The following OTUD7A variants were observed in gnomAD, a reference collection of about 807,000 sequenced individuals.
OTUD7A encodes the protein OTU deubiquitinase 7A, also known as OTU domain-containing protein 7A.
In OTUD7A, 12 loss-of-function variants were observed where a neutral mutation model predicts 65.7. That is an observed-to-expected ratio of 0.18 (90% CI 0.12 to 0.30). The LOEUF (loss-of-function observed/expected upper bound fraction) is 0.30. OTUD7A is among the 10% of genes least tolerant of loss of function. OTUD7A has a pLI of 1.00. For missense variants in OTUD7A, 1,148 were observed against 1,304.8 expected (o/e 0.88, Z 1.85); for synonymous variants, 641 against 586.3 (o/e 1.09, Z -1.35).
chr15:31,684,793 T>C lies in OTUD7A; in HGVS notation c.-99-27716A>G, dbSNP rs867002199. ...ATCTGTCACTTCTGCTGTATTTTGT[T>C]TATTAACAGCAAGTCACCATGTCCA... On this transcript the variant is annotated intron_variant, in intron 1 of 12. Coordinates refer to ENST00000307050, the MANE Select transcript of OTUD7A (RefSeq NM_001382637.1). 3.4e-5 allele frequency among the ~76,000 whole-genome samples: 5 copies of C among 148,556 alleles called. No homozygotes were observed. The South Asian group carries it at 1.2e-3, about 34-fold the overall frequency.
At chr15:31,842,052 T>C (rs1595807754) in intron 1 of OTUD7A, among the ~76,000 whole-genome samples, 2 of 152,356 alleles carry the variant, frequency 1.3e-5, no homozygotes, top group South Asian at 4.1e-4. Context: ...ATATTTGCAC[T>C]GCACTGAGAA....
At chr15:31,629,764 T>G (rs1891083546) in intron 3 of OTUD7A, among the ~76,000 whole-genome samples, 1 of 152,240 alleles carries the variant, frequency 6.6e-6, no homozygotes, top group African/African-American at 2.4e-5. Context: ...TTGCTAAAAT[T>G]TCAGAGCTCG....
chr15:31,480,400 C>T lies in OTUD7A; in HGVS notation c.*2894G>A, dbSNP rs2041099369. The T allele has an allele frequency of 6.6e-6, 1 of 152,214 alleles. No individual in the cohort carries two copies. The highest frequency in any genetic ancestry group is 2.4e-5 in the African/African-American group (1 of 41,444). 9.4% of individuals were successfully genotyped at this position (152,214 alleles called of 1,614,324 possible). ...GGAAACCTGCAGTCCCTTGGAGACA[C>T]CTGTCCTTCCTAGAAAGGGAAGTGT... is the stretch of plus-strand genomic sequence containing the variant. On this transcript the variant is annotated 3_prime_UTR_variant, in exon 13 of 13. Coordinates refer to ENST00000307050, the MANE Select transcript of OTUD7A (RefSeq NM_001382637.1).
chr15:31,567,436 T>G (rs1888910524), intron 4 of OTUD7A, among the ~76,000 whole-genome samples: 1 of 152,012 alleles, frequency 6.6e-6, no homozygotes, highest in South Asian at 2.1e-4. Context: ...AAGATAGGAG[T>G]TGGAACTTAT....
At chr15:31,553,834 C>A (rs908953651) in intron 5 of OTUD7A, among the ~76,000 whole-genome samples, 51 of 152,242 alleles carry the variant, frequency 3.3e-4, no homozygotes, top group African/African-American at 1.1e-3. Context: ...CCTCTCCCTG[C>A]TCTTCCAGCT....
intron 1 of OTUD7A, among the ~76,000 whole-genome samples, chr15:31,830,537 T>A (rs928011955): frequency 6.6e-6 from 1 of 152,198 alleles, no homozygotes; most frequent in African/African-American, 2.4e-5. Context: ...TGCTGCAAAA[T>A]AAAATGGCCA....
At chr15:31,653,849 A>C (rs1356337816) in intron 3 of OTUD7A, among the ~76,000 whole-genome samples, 1 of 151,876 alleles carries the variant, frequency 6.6e-6, no homozygotes, top group African/African-American at 2.4e-5. Flanking sequence ...GTTAGTACTA[A>C]TTACAATAAT....
At chr15:31,523,570 T>G (rs2041967457) in intron 8 of OTUD7A, among the ~76,000 whole-genome samples, 1 of 152,188 alleles carries the variant, frequency 6.6e-6, no homozygotes, top group Admixed American at 6.5e-5. Flanking sequence ...TGGGGCCTCC[T>G]CCCTGAATCC....
At chr15:31,686,778 C>T (rs1444451936) in intron 1 of OTUD7A, among the ~76,000 whole-genome samples, 1 of 152,160 alleles carries the variant, frequency 6.6e-6, no homozygotes, top group East Asian at 1.9e-4. Context: ...CAAGCTCAGC[C>T]CGACAAGAAG....
At position 31,526,438 on chromosome 15, in the gene OTUD7A, C is replaced by T. The variant is rs1282770596; in HGVS notation, c.804G>A (p.Glu268=). Residue 268 remains glutamate, a synonymous_variant, in exon 8 of 13, where the codon GAG becomes GAA. Coordinates refer to ENST00000307050, the MANE Select transcript of OTUD7A (RefSeq NM_001382637.1). ...GCTCCGTCCACTCCCGCTCCCACTC[C>T]TCCTCTGTGTACACCAGCCCTGACT... ...NKESGLVYTE[E]EWEREWTELL... 3 of 1,601,268 alleles carry T rather than the reference C, an allele frequency of 1.9e-6. No homozygotes were observed. In the Admixed American group the frequency reaches 5.0e-5, roughly 27 times the overall value.
In OTUD7A at chr15:31,484,549, C is replaced by T; in HGVS notation, c.1547G>A (p.Arg516His). The change falls in exon 13 of 13, where the codon CGC (arginine) becomes CAC (histidine). Residue 516 changes from arginine (R) to histidine (H), a missense_variant. Transcript: ENST00000307050. This position sits in a 1 kb window ranked among gnomAD's most constrained non-coding sequence, Gnocchi z 4.5. ...CAGCTTGTTGGCCACGGAGTCGGCG[C>T]GCGTCTTGTCCTTCTCCTTGCGCTG... The part of the protein sequence containing the change: ...EKQRKEKDKT[R>H]ADSVANKLGS... 5 of 1,611,446 alleles carry T rather than the reference C, an allele frequency of 3.1e-6. No homozygotes were observed. The highest frequency in any genetic ancestry group is 3.4e-6 in the Non-Finnish European group (4 of 1,179,926).
At position 31,481,575 on chromosome 15, in the gene OTUD7A, C is replaced by G. The variant is rs1302008670; in HGVS notation, c.*1719G>C. 6.6e-6 allele frequency: 1 copy of G among 152,110 alleles called. No homozygotes were observed. Among genetic ancestry groups the G allele is most frequent in the African/African-American group, 2.4e-5 (1 of 41,416 alleles). 9.4% of individuals were successfully genotyped at this position (152,110 alleles called of 1,614,324 possible). On this transcript the variant is annotated 3_prime_UTR_variant, in exon 13 of 13. Transcript: ENST00000307050. The stretch of plus-strand genomic sequence containing the variant: ...ACTTTCAAAAAATTTCTTAAAGATC[C>G]TATTTAATAAATAATTTTTGATTTA...
At chr15:31,503,956 C>T in intron 8 of OTUD7A, 138 bp from the exon 9 acceptor site, 1 of 1,037,388 alleles carries the variant, frequency 9.6e-7, no homozygotes, top group Non-Finnish European at 1.4e-6. Flanking sequence ...CTGCGCCATC[C>T]TGGGCCACTT....
At chr15:31,690,036 CTT>C (rs1892927791) in intron 1 of OTUD7A, among the ~76,000 whole-genome samples, 1 of 152,188 alleles carries the variant, frequency 6.6e-6, no homozygotes, top group Non-Finnish European at 1.5e-5. Flanking sequence ...TATCTAATAA[CTT>C]ATACATAAAA....
intron 8 of OTUD7A, among the ~76,000 whole-genome samples, chr15:31,512,450 T>A (rs934630931): frequency 3.3e-5 from 5 of 152,254 alleles, no homozygotes; most frequent in African/African-American, 1.2e-4. Flanking sequence ...AAATTTAATT[T>A]TTTTTAGCGA....
At chr15:31,630,099 T>C (rs1891095036) in intron 3 of OTUD7A, among the ~76,000 whole-genome samples, 1 of 148,710 alleles carries the variant, frequency 6.7e-6, no homozygotes, top group Non-Finnish European at 1.5e-5. Context: ...CCTTCAGTTC[T>C]GCTCTGATTT....
intron 7 of OTUD7A, 93 bp downstream of exon 7, chr15:31,527,088 C>T: frequency 6.4e-7 from 1 of 1,550,820 alleles, no homozygotes; most frequent in African/African-American, 1.4e-5. Flanking sequence ...ATAAGACTGT[C>T]TGGGGCCTGG....
Position 31,637,422 on chromosome 15 carries a change from C to T in OTUD7A, c.151+17674G>A, listed in dbSNP as rs560826731. On this transcript the variant is annotated intron_variant, in intron 3 of 12. Transcript: ENST00000307050. ...AGATTTCTTTCAAAATATTACTGCT[C>T]ATTTGACAATGCACCTAGTTACCCA... is the stretch of plus-strand genomic sequence containing the variant. Among the ~76,000 whole-genome samples the T allele has an allele frequency of 1.4e-4, 21 of 152,300 alleles. No individual in the cohort carries two copies. The East Asian group carries it at 3.9e-3, about 28-fold the overall frequency.
chr15:31,524,371 C>T (rs2041981453), intron 8 of OTUD7A, among the ~76,000 whole-genome samples: 2 of 149,668 alleles, frequency 1.3e-5, no homozygotes, highest in Admixed American at 6.6e-5. Flanking sequence ...CTTTTTGGCT[C>T]CTTCCATTTA....
Sources: allele counts gnomAD v4.1 joint callset (sites outside exome capture counted in the v4.1 genomes callset), GRCh38; gene constraint gnomAD v4.1.1; non-coding constraint Gnocchi (gnomAD v3.1); transcripts MANE v1.5; gene names NCBI Gene and HGNC (gene_info 2026-07-23, HGNC 2026-07-21).